The following TULP4 variants were observed in gnomAD, a reference collection of about 807,000 sequenced individuals.
TULP4 encodes the protein tubby-related protein 4.
A neutral mutation model predicts 129.0 loss-of-function variants in TULP4; 16 were observed. The ratio of observed to expected loss-of-function variants is 0.12; its 90% CI spans 0.08 to 0.19. The LOEUF (loss-of-function observed/expected upper bound fraction) is 0.19, where lower values mean the gene tolerates loss of function less well. TULP4 is among the 10% of genes least tolerant of loss of function. The pLI is 1.00. For missense variants in TULP4, 1,842 were observed against 2,059.1 expected (o/e 0.89, Z 2.04); for synonymous variants, 998 against 854.0 (o/e 1.17, Z -2.94).
chr6:158,244,832 T>C (rs1321216593), intron 1 of TULP4, among the ~76,000 whole-genome samples: 1 of 152,004 alleles, frequency 6.6e-6, no homozygotes, highest in Non-Finnish European at 1.5e-5. Context: ...TCTCTATTTA[T>C]TTATTTTTTA....
At chr6:158,268,103 C>T (rs1778484284) in intron 1 of TULP4, among the ~76,000 whole-genome samples, 1 of 147,962 alleles carries the variant, frequency 6.8e-6, no homozygotes, top group South Asian at 2.1e-4. Context: ...TGGTGCGATC[C>T]TGGCTCACCA....
At chr6:158,403,454 C>T (rs911522216) in intron 1 of TULP4, among the ~76,000 whole-genome samples, 1 of 152,160 alleles carries the variant, frequency 6.6e-6, no homozygotes, top group African/African-American at 2.4e-5. Flanking sequence ...ATTCTCCTGC[C>T]TTAGCGTCCC....
At position 158,237,492 on chromosome 6, in the gene TULP4, A is replaced by C; in HGVS notation, n.68+5189A>C. The C allele has an allele frequency of 1.9e-6, 3 of 1,540,276 alleles. No individual in the cohort carries two copies. In the South Asian group the frequency reaches 3.4e-5, roughly 17 times the overall value. ...CAGGTCTTGGGGAGGTGGGTGGGCT[A>C]CTCACAGTTTTTCTGGCATCCAGTT... On this transcript the variant is annotated intron_variant and non_coding_transcript_variant, in intron 1 of 1. Transcript: ENST00000620026.
intron 1 of TULP4, among the ~76,000 whole-genome samples, chr6:158,274,953 C>A (rs1778617509): frequency 6.6e-6 from 1 of 152,218 alleles, no homozygotes; most frequent in Admixed American, 6.5e-5. Context: ...TTTTATTGAT[C>A]TCTTCCATTT....
intron 2 of TULP4, among the ~76,000 whole-genome samples, chr6:158,423,633 TTTGTTGTTG>T (rs56085300): frequency 1.3e-5 from 2 of 150,666 alleles, no homozygotes; most frequent in African/African-American, 2.5e-5. Context: ...GTTTTTGTTT[TTTGTTGTTG>T]TTGTTGTTGT....
chr6:158,415,895 C>A lies in TULP4; in HGVS notation c.381+2702C>A, dbSNP rs193043036. On this transcript the variant is annotated intron_variant, in intron 2 of 13. Coordinates refer to ENST00000367097, the MANE Select transcript of TULP4 (RefSeq NM_020245.5). ...CACGAGGTAAAATCCCATGATAGGC[C>A]GTCTGCAAGTTGAGGGGCAAGGAAG... Among the ~76,000 whole-genome samples the A allele has an allele frequency of 1.7e-3, 255 of 152,186 alleles. 5 individuals are homozygous for A. The highest frequency in any genetic ancestry group is 0.016 in the Admixed American group (248 of 15,292).
chr6:158,333,118 A>G (rs1037304626), intron 1 of TULP4, among the ~76,000 whole-genome samples: 1 of 152,210 alleles, frequency 6.6e-6, no homozygotes, highest in African/African-American at 2.4e-5. Context: ...GGTTTACTAC[A>G]CCTGTACTAA....
rs772040480 is a variant in TULP4, at chr6:158,502,303, G to C, written c.2640G>C (p.Gln880His). ...TCTACCCCACGTCAGTGCACTACCA[G>C]ACCCCCCTGGGCTATGAGAGGATCA... ...FSLYPTSVHY[Q>H]TPLGYERITT... The change falls in exon 13 of 14, where the codon CAG becomes CAC. Residue 880 changes from glutamine to histidine, a missense_variant. By Grantham distance (24) the Gln-to-His change is conservative (BLOSUM62 0). Coordinates refer to ENST00000367097, the MANE Select transcript of TULP4 (RefSeq NM_020245.5). 1 of 1,609,422 alleles carries C rather than the reference G, an allele frequency of 6.2e-7. No homozygotes were observed. Among genetic ancestry groups the C allele is most frequent in the South Asian group, 1.1e-5 (1 of 90,866 alleles).
chr6:158,286,018 C>T (rs1392398805), intron 1 of TULP4, among the ~76,000 whole-genome samples: 4 of 152,196 alleles, frequency 2.6e-5, no homozygotes, highest in Non-Finnish European at 2.9e-5. Flanking sequence ...GATGTGAAAA[C>T]AGATTTACTC....
chr6:158,359,295 A>G (rs1368980307), intron 1 of TULP4, among the ~76,000 whole-genome samples: 1 of 152,230 alleles, frequency 6.6e-6, no homozygotes, highest in Non-Finnish European at 1.5e-5. Context: ...CTTCCTGGTT[A>G]TATTCTCAAA....
intron 1 of TULP4, among the ~76,000 whole-genome samples, chr6:158,303,215 A>G (rs1019685685): frequency 1.3e-5 from 2 of 151,854 alleles, no homozygotes; most frequent in South Asian, 2.1e-4. Flanking sequence ...TAATTGAGCA[A>G]TTGACTCACC....
intron 5 of TULP4, among the ~76,000 whole-genome samples, chr6:158,458,738 T>A (rs1042197700): frequency 6.6e-6 from 1 of 152,206 alleles, no homozygotes; most frequent in African/African-American, 2.4e-5. Context: ...ATGTAGAAAT[T>A]GAATGAGTAT....
At chr6:158,368,864 G>T (rs1777003573) in intron 1 of TULP4, among the ~76,000 whole-genome samples, 2 of 152,104 alleles carry the variant, frequency 1.3e-5, no homozygotes, top group South Asian at 4.2e-4. Flanking sequence ...TTTAATCTTT[G>T]TAGTAATTGC....
At position 158,510,233 on chromosome 6, in the gene TULP4, G is replaced by A. The variant is rs915183218; in HGVS notation, c.*3539G>A. On this transcript the variant is annotated 3_prime_UTR_variant, in exon 14 of 14. Coordinates refer to ENST00000367097, the MANE Select transcript of TULP4 (RefSeq NM_020245.5). ...GCAGCATAAATCAAAGAATTTCACA[G>A]GCTAGTGTTTTTATCCATAGCCATT... 2.0e-5 allele frequency: 3 copies of A among 152,596 alleles called. No individual in the cohort carries two copies. Among genetic ancestry groups the A allele is most frequent in the Non-Finnish European group, 4.4e-5 (3 of 68,050 alleles). 9.5% of individuals were successfully genotyped at this position (152,596 alleles called of 1,614,324 possible).
In TULP4 at chr6:158,502,000, G is replaced by C; in HGVS notation, c.2337G>C (p.Pro779=). ...CTCCACTGTCCCTGCCTCCCCCGCC[G>C]CAGGGGCCCATGCAGCTGTCCACGG... ...NPPPLSLPPP[P]QGPMQLSTVG... is the part of the protein sequence containing the mutation. Residue 779 remains proline (P), a synonymous_variant, in exon 13 of 14, where the codon CCG becomes CCC. Transcript: ENST00000367097. 1 of 1,610,172 alleles carries C rather than the reference G, an allele frequency of 6.2e-7. No homozygotes were observed. Among genetic ancestry groups the C allele is most frequent in the Non-Finnish European group, 8.5e-7 (1 of 1,179,040 alleles).
intron 1 of TULP4, among the ~76,000 whole-genome samples, chr6:158,393,272 G>A (rs1777630245): frequency 6.6e-6 from 1 of 152,196 alleles, no homozygotes; most frequent in Non-Finnish European, 1.5e-5. Flanking sequence ...AGCCCCCATG[G>A]CTGCTTTCAT....
intron 3 of TULP4, among the ~76,000 whole-genome samples, chr6:158,433,371 A>G (rs990535324): frequency 2.0e-5 from 3 of 152,240 alleles, no homozygotes; most frequent in Non-Finnish European, 4.4e-5. Context: ...TAAAAAGTGT[A>G]TAATGTCTCA....
At chr6:158,286,233 CTAAG>C (rs1392350371) in intron 1 of TULP4, among the ~76,000 whole-genome samples, 1 of 152,056 alleles carries the variant, frequency 6.6e-6, no homozygotes, top group East Asian at 1.9e-4. Flanking sequence ...TTTAAGAATT[CTAAG>C]TAATAATCCA....
intron 1 of TULP4, among the ~76,000 whole-genome samples, chr6:158,346,123 A>G (rs1188252681): frequency 2.0e-5 from 3 of 152,086 alleles, no homozygotes; most frequent in African/African-American, 7.2e-5. Context: ...AATTGCTGTT[A>G]TTCTGTTCTT....
Sources: gnomAD v4.1 joint callset for allele counts (sites outside exome capture counted in the v4.1 genomes callset) on GRCh38, gnomAD v4.1.1 for gene constraint, MANE v1.5 for transcripts, NCBI Gene and HGNC (gene_info 2026-07-23, HGNC 2026-07-21) for gene names.